SPATA16: variants seen among roughly 807,000 people sequenced by gnomAD.
SPATA16 encodes spermatogenesis associated 16, also known as spermatogenesis-associated protein 16.
Under a neutral mutation model 63.3 loss-of-function variants are expected in SPATA16, and 36 were observed. That is an observed-to-expected ratio of 0.57 (90% CI 0.44 to 0.75). SPATA16 has a LOEUF of 0.75. SPATA16 is among the 30% of genes least tolerant of loss of function. SPATA16 has a pLI of 0.00. For synonymous variants in SPATA16, 203 were observed against 216.7 expected (o/e 0.94, Z 0.56); for missense variants, 646 against 679.3 (o/e 0.95, Z 0.54).
chr3:172,921,430 G>A (rs566269936), intron 8 of SPATA16, among the ~76,000 whole-genome samples: 2 of 152,182 alleles, frequency 1.3e-5, no homozygotes, highest in African/African-American at 2.4e-5. Flanking sequence ...CTTGTCACAC[G>A]AGCATGGTCA....
At chr3:173,039,448 G>T (rs1199222074) in intron 3 of SPATA16, among the ~76,000 whole-genome samples, 1 of 152,024 alleles carries the variant, frequency 6.6e-6, no homozygotes, top group African/African-American at 2.4e-5. Flanking sequence ...GAAATCAAAA[G>T]CAAACAGCAA....
chr3:173,026,927 T>C (rs1334146760), intron 3 of SPATA16, among the ~76,000 whole-genome samples: 1 of 151,904 alleles, frequency 6.6e-6, no homozygotes, highest in Non-Finnish European at 1.5e-5. Context: ...TACTTTTCTG[T>C]TTACATTTTA....
At chr3:172,913,320 A>T (rs1732411227) in intron 10 of SPATA16, among the ~76,000 whole-genome samples, 1 of 152,190 alleles carries the variant, frequency 6.6e-6, no homozygotes, top group Admixed American at 6.5e-5. Flanking sequence ...GTGGAAATAT[A>T]GTTGAGGAGT....
chr3:173,106,123 A>G (rs1737616749), intron 2 of SPATA16, among the ~76,000 whole-genome samples: 1 of 152,216 alleles, frequency 6.6e-6, no homozygotes, highest in Non-Finnish European at 1.5e-5. Flanking sequence ...ATAAAGCAAA[A>G]TTAAAAATTA....
At chr3:173,087,855 A>G (rs951937698) in intron 2 of SPATA16, among the ~76,000 whole-genome samples, 1 of 152,040 alleles carries the variant, frequency 6.6e-6, no homozygotes, top group Admixed American at 6.6e-5. Flanking sequence ...TTGGCCTCCA[A>G]TCTCTTCTGG....
At chr3:172,936,361 T>A (rs1316529572) in intron 6 of SPATA16, among the ~76,000 whole-genome samples, 2 of 152,182 alleles carry the variant, frequency 1.3e-5, no homozygotes, top group Non-Finnish European at 2.9e-5. Context: ...TTGGAGAACT[T>A]CTGGGTTGGT....
At chr3:172,943,149 A>G (rs2109604997) in intron 6 of SPATA16, among the ~76,000 whole-genome samples, 1 of 152,314 alleles carries the variant, frequency 6.6e-6, no homozygotes, top group African/African-American at 2.4e-5. Flanking sequence ...AACAGGACAT[A>G]AAAGAAATAA....
chr3:173,085,993 C>CTTTTTT (rs750883045), intron 2 of SPATA16, among the ~76,000 whole-genome samples: 5,490 of 147,530 alleles, frequency 0.037, 338 homozygotes, highest in African/African-American at 0.13. Context: ...TTCTTTCTTT[C>CTTTTTT]TTTTGTTTTT....
chr3:173,081,413 A>T (rs962190414), intron 2 of SPATA16, among the ~76,000 whole-genome samples: 1 of 152,318 alleles, frequency 6.6e-6, no homozygotes, highest in Non-Finnish European at 1.5e-5. Flanking sequence ...CAGACACAAG[A>T]ACCATTTGGG....
chr3:172,912,892 T>C (rs947882478), intron 10 of SPATA16, among the ~76,000 whole-genome samples: 4 of 152,198 alleles, frequency 2.6e-5, no homozygotes, highest in Non-Finnish European at 5.9e-5. Flanking sequence ...TCTGAGTTCA[T>C]TACAAAAGAC....
At chr3:172,988,813 T>A (rs1457956231) in intron 4 of SPATA16, among the ~76,000 whole-genome samples, 1 of 152,130 alleles carries the variant, frequency 6.6e-6, no homozygotes, top group Non-Finnish European at 1.5e-5. Context: ...ATTTTCTGTA[T>A]TTTTAGTAGA....
At chr3:173,108,597 C>T (rs926625211) in intron 2 of SPATA16, among the ~76,000 whole-genome samples, 1 of 152,098 alleles carries the variant, frequency 6.6e-6, no homozygotes, top group Non-Finnish European at 1.5e-5. Context: ...GTTTGGGCAT[C>T]TGTGTATATC....
At chr3:173,130,634 TAAA>T (rs1738354913) in intron 1 of SPATA16, among the ~76,000 whole-genome samples, 1 of 152,068 alleles carries the variant, frequency 6.6e-6, no homozygotes, top group Non-Finnish European at 1.5e-5. Flanking sequence ...ACAAAGATAG[TAAA>T]AAATGATCTG....
intron 1 of SPATA16, among the ~76,000 whole-genome samples, chr3:173,139,757 G>A (rs901262134): frequency 2.6e-4 from 40 of 152,262 alleles, no homozygotes; most frequent in African/African-American, 9.6e-4. Context: ...ATACTGAGGT[G>A]GGCATATCAC....
chr3:173,100,154 G>A (rs1463497552), intron 2 of SPATA16, among the ~76,000 whole-genome samples: 2 of 152,092 alleles, frequency 1.3e-5, no homozygotes, highest in African/African-American at 4.8e-5. Flanking sequence ...CCTCTCTATG[G>A]GAGCCAGAAA....
At chr3:172,947,354 A>G (rs576271167) in intron 6 of SPATA16, among the ~76,000 whole-genome samples, 25 of 152,294 alleles carry the variant, frequency 1.6e-4, no homozygotes, top group African/African-American at 6.0e-4. Context: ...GAGAACATCC[A>G]GGGAAACATG....
intron 4 of SPATA16, among the ~76,000 whole-genome samples, chr3:173,009,456 C>T (rs1735010345): frequency 6.6e-6 from 1 of 152,232 alleles, no homozygotes; most frequent in Non-Finnish European, 1.5e-5. Flanking sequence ...TCTCCAGGGT[C>T]TCCAGACAGA....
chr3:172,963,444 A>T (rs1472247331), intron 5 of SPATA16, among the ~76,000 whole-genome samples: 3 of 151,888 alleles, frequency 2.0e-5, no homozygotes, highest in Non-Finnish European at 4.4e-5. Flanking sequence ...AAAAATAGTC[A>T]TAATAAATAT....
At chr3:173,131,477 A>G (rs1258005470) in intron 1 of SPATA16, among the ~76,000 whole-genome samples, 1 of 151,310 alleles carries the variant, frequency 6.6e-6, no homozygotes, top group Admixed American at 6.6e-5. Flanking sequence ...GAGCATCTCA[A>G]CATTTCACTG....
Sources: gnomAD v4.1 joint callset for allele counts (sites outside exome capture counted in the v4.1 genomes callset) on GRCh38, gnomAD v4.1.1 for gene constraint, MANE v1.5 for transcripts, NCBI Gene and HGNC (gene_info 2026-07-23, HGNC 2026-07-21) for gene names.